The following NFIB variants were observed in gnomAD, a reference collection of about 807,000 sequenced individuals.
The protein encoded by NFIB is nuclear factor I B.
A neutral mutation model predicts 61.5 loss-of-function variants in NFIB; 11 were observed. The ratio of observed to expected loss-of-function variants is 0.18; its 90% CI spans 0.11 to 0.30. The LOEUF (loss-of-function observed/expected upper bound fraction) is 0.30, where lower values mean the gene tolerates loss of function less well. Ranked by LOEUF, NFIB falls within the 10% of genes least tolerant of loss-of-function variation. The probability of loss-of-function intolerance (pLI) is 1.00; values close to 1 mark genes in which losing one functional copy is unlikely to be tolerated. For missense variants in NFIB, 471 were observed against 608.9 expected (o/e 0.77, Z 2.38); for synonymous variants, 260 against 216.5 (o/e 1.20, Z -1.76).
intron 1 of NFIB, among the ~76,000 whole-genome samples, chr9:14,342,115 A>C (rs1379158314): frequency 6.6e-6 from 1 of 152,164 alleles, no homozygotes; most frequent in African/African-American, 2.4e-5. Context: ...CGAGAGCAAA[A>C]GCTCTCTGGG....
chr9:14,423,861 T>C, the NFIB span, among the ~76,000 whole-genome samples: 1 of 152,220 alleles, frequency 6.6e-6, no homozygotes, highest in South Asian at 2.1e-4. Context: ...TGTATTTTTA[T>C]ATTGAAAGTC....
At chr9:14,527,873 T>C in the NFIB span, among the ~76,000 whole-genome samples, 1 of 152,178 alleles carries the variant, frequency 6.6e-6, no homozygotes, top group Non-Finnish European at 1.5e-5. Flanking sequence ...TATTGAATTT[T>C]GATTTTCAGA....
At chr9:14,355,462 C>A (rs2061164830) in intron 1 of NFIB, among the ~76,000 whole-genome samples, 1 of 152,322 alleles carries the variant, frequency 6.6e-6, no homozygotes, top group African/African-American at 2.4e-5. Context: ...GCAAGCGCAG[C>A]AAACCAATAC....
the NFIB span, among the ~76,000 whole-genome samples, chr9:14,454,360 T>C: frequency 3.3e-5 from 5 of 152,264 alleles, no homozygotes; most frequent in African/African-American, 1.2e-4. Context: ...AGTGTGCTAA[T>C]TCTGCTCATC....
rs147860916 is a variant in NFIB at position 14,132,186 on chromosome 9, T to C, written c.926-6420A>G. Reference sequence around the variant, plus strand: ...AATTAAAATGTATTAACCATGCCAGTCCTATGATTTAGTCCTTTTTCTAGG... The same window carrying C: ...AATTAAAATGTATTAACCATGCCAGCCCTATGATTTAGTCCTTTTTCTAGG... On this transcript the variant is annotated intron_variant, in intron 6 of 10. Coordinates refer to ENST00000380953, the MANE Select transcript of NFIB (RefSeq NM_001190737.2). 7.7e-4 allele frequency among the ~76,000 whole-genome samples: 117 copies of C among 152,350 alleles called. No homozygotes were observed. The Middle Eastern group carries it at 0.017, about 22-fold the overall frequency.
chr9:14,443,315 A>G, the NFIB span, among the ~76,000 whole-genome samples: 7 of 152,122 alleles, frequency 4.6e-5, no homozygotes, highest in African/African-American at 1.7e-4. Context: ...CTTCCAAACC[A>G]ATGCCTTCAT....
intron 6 of NFIB, among the ~76,000 whole-genome samples, chr9:14,141,902 C>CAAAAAAAAAAAAAAAAAA (rs1207435536): frequency 1.1e-4 from 6 of 53,578 alleles, no homozygotes; most frequent in African/African-American, 4.3e-4. Flanking sequence ...CTGCTGCTCA[C>CAAAAAAAAAAAAAAAAAA]AAAAAAAAAA....
intron 3 of NFIB, among the ~76,000 whole-genome samples, chr9:14,158,746 T>TA (rs771894278): frequency 2.0e-5 from 3 of 152,122 alleles, no homozygotes; most frequent in Admixed American, 6.6e-5. Context: ...TGCTGAAGAG[T>TA]GTATTTAGGC....
At chr9:14,393,612 T>C (rs1215198466) in intron 1 of NFIB, among the ~76,000 whole-genome samples, 3 of 152,202 alleles carry the variant, frequency 2.0e-5, no homozygotes, top group Non-Finnish European at 2.9e-5. Context: ...TAAACATTTA[T>C]TGAAGTGATG....
intron 2 of NFIB, among the ~76,000 whole-genome samples, chr9:14,221,165 C>G (rs1488195439): frequency 1.3e-5 from 2 of 152,186 alleles, no homozygotes. Context: ...TACAACCTGG[C>G]TACTTCCCCA....
intron 5 of NFIB, among the ~76,000 whole-genome samples, chr9:14,148,969 G>C (rs183887066): frequency 7.2e-5 from 11 of 152,264 alleles, no homozygotes; most frequent in African/African-American, 2.2e-4. Flanking sequence ...GGAAGTACTA[G>C]AGAAATGTTT....
upstream of NFIB, chr9:14,317,323 C>T (rs1320883430): frequency 2.6e-5 from 4 of 152,364 alleles, no homozygotes; most frequent in Non-Finnish European, 4.4e-5. Context: ...ACACCAAGGG[C>T]GAAGAAGCAG....
the NFIB span, among the ~76,000 whole-genome samples, chr9:14,456,051 T>C: frequency 1.3e-5 from 2 of 152,220 alleles, no homozygotes; most frequent in South Asian, 2.1e-4. Context: ...TGACCTCATA[T>C]ATTGCAGAAT....
At chr9:14,457,744 T>C in the NFIB span, among the ~76,000 whole-genome samples, 6 of 152,058 alleles carry the variant, frequency 3.9e-5, no homozygotes, top group Non-Finnish European at 7.4e-5. Context: ...AACACCTCTA[T>C]GCAAATAAAC....
chr9:14,356,038 T>A (rs944841895), intron 1 of NFIB, among the ~76,000 whole-genome samples: 1 of 152,150 alleles, frequency 6.6e-6, no homozygotes, highest in Admixed American at 6.5e-5. Context: ...CATTTTTGCA[T>A]TGCACTGGTC....
At chr9:14,100,064 C>T (rs1322669022) in intron 10 of NFIB, among the ~76,000 whole-genome samples, 2 of 151,980 alleles carry the variant, frequency 1.3e-5, no homozygotes, top group East Asian at 1.9e-4. Flanking sequence ...GGAAGTGAGA[C>T]TATCTAAAAA....
At chr9:14,462,123 G>C in the NFIB span, among the ~76,000 whole-genome samples, 1 of 152,104 alleles carries the variant, frequency 6.6e-6, no homozygotes, top group Non-Finnish European at 1.5e-5. Flanking sequence ...CTTAATATAG[G>C]TGTTTTAAAT....
rs182375673 is a variant in NFIB, at chr9:14,266,527, G to A, written c.562+40462C>T. Among the ~76,000 whole-genome samples, 2 of 152,146 alleles carry A rather than the reference G, an allele frequency of 1.3e-5. 1 individual carries two copies. Among genetic ancestry groups the A allele is most frequent in the East Asian group, 3.9e-4 (2 of 5,162 alleles). On this transcript the variant is annotated intron_variant, in intron 2 of 10. Coordinates refer to ENST00000380953, the MANE Select transcript of NFIB (RefSeq NM_001190737.2). Reference sequence around the variant, plus strand: ...GGAGGATTTCACGAGCCAGGGAGGTGGAGGCTGCAAGGAGCCACGGTCTTG... The same window carrying A: ...GGAGGATTTCACGAGCCAGGGAGGTAGAGGCTGCAAGGAGCCACGGTCTTG...
the NFIB span, among the ~76,000 whole-genome samples, chr9:14,407,597 A>T: frequency 2.0e-5 from 3 of 152,228 alleles, no homozygotes; most frequent in Non-Finnish European, 4.4e-5. Flanking sequence ...TGAATTAAAG[A>T]TAATATATAA....
Sources: allele counts gnomAD v4.1 joint callset (sites outside exome capture counted in the v4.1 genomes callset), GRCh38; gene constraint gnomAD v4.1.1; transcripts MANE v1.5; gene names NCBI Gene and HGNC (gene_info 2026-07-23, HGNC 2026-07-21).